The following LRP1 variants were observed in gnomAD, a reference collection of about 807,000 sequenced individuals.
LRP1 encodes LDL receptor related protein 1.
Under a neutral mutation model 541.5 loss-of-function variants are expected in LRP1, and 51 were observed. The observed-to-expected ratio is 0.09, with a 90% CI of 0.08 to 0.12. The LOEUF (loss-of-function observed/expected upper bound fraction) is 0.12. Ranked by LOEUF, LRP1 falls within the 10% of genes least tolerant of loss-of-function variation. LRP1 has a pLI of 1.00. For missense variants in LRP1, 3,878 were observed against 6,376.2 expected (o/e 0.61, Z 13.34); for synonymous variants, 2,219 against 2,470.8 (o/e 0.90, Z 3.02).
In LRP1 at chr12:57,189,397, G is replaced by A. The variant is rs1215680089; in HGVS notation, c.7032-1408G>A. Among the ~76,000 whole-genome samples, 6 of 152,098 alleles carry A rather than the reference G, an allele frequency of 3.9e-5. No homozygotes were observed. The highest frequency in any genetic ancestry group is 3.3e-4 in the Admixed American group (5 of 15,280). On this transcript the variant is annotated intron_variant, in intron 42 of 88. Coordinates refer to ENST00000243077, the MANE Select transcript of LRP1 (RefSeq NM_002332.3). This position sits in a 1 kb window ranked among gnomAD's most constrained non-coding sequence, Gnocchi z 4.4. ...TCCCTTATGGAGGCTAGAAGGACAC[G>A]CCGCCTCCCTCCCAACTTACATCCC...
At chr12:57,169,380 T>TC (rs2035901432) in intron 20 of LRP1, 73 bp downstream of exon 20, 1 of 1,416,244 alleles carries the variant, frequency 7.1e-7, no homozygotes, top group Non-Finnish European at 9.6e-7. Flanking sequence ...TATCCATCTG[T>TC]CTTTCAGACC....
chr12:57,192,238 C>T (rs1226774427), intron 44 of LRP1, among the ~76,000 whole-genome samples: 1 of 152,036 alleles, frequency 6.6e-6, no homozygotes, highest in African/African-American at 2.4e-5. Context: ...ACCTTTGGAA[C>T]CGCAAAACCC....
intron 19 of LRP1, 118 bp from the exon 20 acceptor site, chr12:57,169,022 G>A: frequency 1.2e-6 from 1 of 807,706 alleles, no homozygotes; most frequent in Non-Finnish European, 2.0e-6. Flanking sequence ...TATTTTCCCA[G>A]TGGGGGGGTT....
Position 57,162,733 on chromosome 12 carries a change from A to G in LRP1, c.2405-125A>G, listed in dbSNP as rs2035761526. The G allele has an allele frequency of 2.6e-6, 3 of 1,148,346 alleles. No individual in the cohort carries two copies. Among genetic ancestry groups the G allele is most frequent in the Middle Eastern group, 2.0e-4 (1 of 5,042 alleles). The allele number at this position is 1,148,346 out of a possible 1,614,324, so 71.1% of individuals were successfully genotyped here. On this transcript the variant is annotated intron_variant, in intron 14 of 88. Coordinates refer to ENST00000243077, the MANE Select transcript of LRP1 (RefSeq NM_002332.3). This position sits in a 1 kb window ranked among gnomAD's most constrained non-coding sequence, Gnocchi z 5.2. ...TCTGTGTCTCCTGTTCTTCAACATGATCTTCTTCCTCTCCATATTTCCTCT... is the reference window on the plus strand; with the variant it reads ...TCTGTGTCTCCTGTTCTTCAACATGGTCTTCTTCCTCTCCATATTTCCTCT...
rs2035291288 is a variant in LRP1 at position 57,141,519 on chromosome 12, C to T, written c.328+8C>T. 1 of 1,614,058 alleles carries T rather than the reference C, an allele frequency of 6.2e-7. No individual in the cohort carries two copies. The highest frequency in any genetic ancestry group is 1.1e-5 in the South Asian group (1 of 91,084). On this transcript the variant is annotated splice_region_variant and intron_variant, in intron 3 of 88. Transcript: ENST00000243077. Reference sequence around the variant, plus strand: ...AGGGGCCCCACTGCCGAGGTAAGGACTTTTCCACTCTCTACTCTCCCGTCT... The same window carrying T: ...AGGGGCCCCACTGCCGAGGTAAGGATTTTTCCACTCTCTACTCTCCCGTCT...
chr12:57,208,477 G>A (rs1373317587), intron 77 of LRP1: 2 of 593,614 alleles, frequency 3.4e-6, no homozygotes, highest in East Asian at 5.6e-5. Context: ...ACTCTGCCCT[G>A]GGGAACAGCT....
rs368070950 is a variant in LRP1, at chr12:57,154,209, C to T, written c.843C>T (p.His281=). Reference sequence around the variant, plus strand: ...GGCTCTTTCATTCGTACTCTCCAGACGTGGAACAGATGGCCATCGACTGGC... The same window carrying T: ...GGCTCTTTCATTCGTACTCTCCAGATGTGGAACAGATGGCCATCGACTGGC... ...HTINISLSLH[H]VEQMAIDWLT... Residue 281 remains histidine (H), a splice_region_variant and synonymous_variant, in exon 7 of 89, where the codon CAC becomes CAT. Coordinates refer to ENST00000243077, the MANE Select transcript of LRP1 (RefSeq NM_002332.3). The surrounding 1 kb of genome is among the most constrained non-coding windows in gnomAD (Gnocchi z 4.6). The T allele has an allele frequency of 3.1e-5, 50 of 1,613,402 alleles. No individual in the cohort carries two copies. Among genetic ancestry groups the T allele is most frequent in the East Asian group, 4.5e-5 (2 of 44,882 alleles).
rs577326762 is a variant in LRP1, at chr12:57,137,737, G to A, written c.68-722G>A. ...CCTGGGCCCAGGAGGTGGAGGTTGC[G>A]GTGAGCTGAGATTGTGCCACTGCAC... On this transcript the variant is annotated intron_variant, in intron 1 of 88. Transcript: ENST00000243077. 1.3e-4 allele frequency among the ~76,000 whole-genome samples: 19 copies of A among 151,822 alleles called. 1 individual carries two copies. Among genetic ancestry groups the A allele is most frequent in the South Asian group, 6.3e-4 (3 of 4,788 alleles).
Position 57,156,847 on chromosome 12 carries a change from C to A in LRP1, c.1488C>A (p.Ala496=), listed in dbSNP as rs2035629654. 4.4e-6 allele frequency: 7 copies of A among 1,603,720 alleles called. No individual in the cohort carries two copies. Among genetic ancestry groups the A allele is most frequent in the Non-Finnish European group, 5.9e-6 (7 of 1,177,678 alleles). ...PGGCSDICLL[A]NSHKARTCRC... is the part of the protein sequence containing the mutation. The stretch of plus-strand genomic sequence containing the variant: ...GCTGCTCTGACATCTGCCTGCTGGC[C>A]AACAGCCACAAGGCGCGGACCTGCC... The change falls in exon 10 of 89, where the codon GCC becomes GCA. Residue 496 remains alanine (A), a synonymous_variant. Transcript: ENST00000243077. The surrounding 1 kb of genome is among the most constrained non-coding windows in gnomAD (Gnocchi z 5.2).
chr12:57,191,882 ACACCCCAC>A (rs2036401634), intron 44 of LRP1, among the ~76,000 whole-genome samples: 1 of 47,550 alleles, frequency 2.1e-5, no homozygotes, highest in African/African-American at 5.5e-5. Flanking sequence ...CATACCACAC[ACACCCCAC>A]ACATACCACA....
chr12:57,173,218 G>C lies in LRP1; in HGVS notation c.3214G>C (p.Asp1072His), dbSNP rs771741064. Residue 1072 changes from aspartate (D) to histidine (H), a missense_variant, in exon 21 of 89, where the codon GAT becomes CAT. By Grantham distance (81) the Asp-to-His change is moderately conservative. Transcript: ENST00000243077. The surrounding 1 kb of genome is among the most constrained non-coding windows in gnomAD (Gnocchi z 4.7). Reference protein sequence around the residue: ...CHTDEFQCRLDGLCIPLRWRC... With the variant: ...CHTDEFQCRLHGLCIPLRWRC... ...CACTGATGAGTTCCAGTGCCGGCTGGATGGACTATGCATCCCCCTGCGGTG... is the reference window on the plus strand; with the variant it reads ...CACTGATGAGTTCCAGTGCCGGCTGCATGGACTATGCATCCCCCTGCGGTG... 6.2e-7 allele frequency: 1 copy of C among 1,613,870 alleles called. No homozygotes were observed. Among genetic ancestry groups the C allele is most frequent in the South Asian group, 1.1e-5 (1 of 91,082 alleles).
chr12:57,167,190 A>C (rs2035857109), intron 18 of LRP1, 144 bp downstream of exon 18: 6 of 713,454 alleles, frequency 8.4e-6, no homozygotes, highest in Non-Finnish European at 1.5e-5. Flanking sequence ...CTGTGAGAGG[A>C]GAGCCCCATC....
intron 19 of LRP1, among the ~76,000 whole-genome samples, chr12:57,168,411 G>A (rs35460118): frequency 1.9e-3 from 284 of 152,282 alleles, no homozygotes; most frequent in Non-Finnish European, 3.5e-3. Flanking sequence ...AAGCAGAGAC[G>A]GCAGAGGGAG....
intron 1 of LRP1, among the ~76,000 whole-genome samples, chr12:57,138,130 C>T (rs2035212821): frequency 6.6e-6 from 1 of 152,152 alleles, no homozygotes. Flanking sequence ...ATCACTCTGT[C>T]ATCAAAGCCA....
rs1020668312 is a variant in LRP1 at position 57,156,377 on chromosome 12, G to T, written c.1417+94G>T. On this transcript the variant is annotated intron_variant, in intron 9 of 88. Transcript: ENST00000243077. This position sits in a 1 kb window ranked among gnomAD's most constrained non-coding sequence, Gnocchi z 5.2. The stretch of plus-strand genomic sequence containing the variant: ...CAGCCCCTCTCTGGGCCCTCCTGTG[G>T]GGACCCTGGCTTCTTTCATGTCATG... 3 of 1,298,800 alleles carry T rather than the reference G, an allele frequency of 2.3e-6. No homozygotes were observed. Among genetic ancestry groups the T allele is most frequent in the Non-Finnish European group, 3.2e-6 (3 of 952,290 alleles). 80.5% of individuals were successfully genotyped at this position (1,298,800 alleles called of 1,614,324 possible).
chr12:57,129,543 G>C (rs2136644263), intron 1 of LRP1, among the ~76,000 whole-genome samples: 1 of 152,252 alleles, frequency 6.6e-6, no homozygotes, highest in African/African-American at 2.4e-5. Context: ...GGCTGTGGGT[G>C]GGGAGAGGGA....
Position 57,179,393 on chromosome 12 carries a change from C to G in LRP1, c.4803C>G (p.Pro1601=). 1 of 1,614,230 alleles carries G rather than the reference C, an allele frequency of 6.2e-7. No homozygotes were observed. Residue 1601 remains proline (P), a synonymous_variant, in exon 29 of 89, where the codon CCC becomes CCG. Coordinates refer to ENST00000243077, the MANE Select transcript of LRP1 (RefSeq NM_002332.3). This position sits in a 1 kb window ranked among gnomAD's most constrained non-coding sequence, Gnocchi z 6.8. ...TCCGAGGTGTGGACCTGGATGCTCC[C>G]TACTACAACTACATCATCTCCTTCA... ...MEIRGVDLDA[P]YYNYIISFTV... is the part of the protein sequence containing the mutation.
chr12:57,130,069 C>T (rs1156933313), intron 1 of LRP1, among the ~76,000 whole-genome samples: 1 of 151,998 alleles, frequency 6.6e-6, no homozygotes, highest in East Asian at 1.9e-4. Flanking sequence ...TTTTTTTCTC[C>T]TACTTGTGAG....
At chr12:57,161,216 TC>T in intron 13 of LRP1, 101 bp downstream of exon 13, 2 of 1,121,936 alleles carry the variant, frequency 1.8e-6, no homozygotes, top group Non-Finnish European at 2.6e-6. Context: ...TCTGTGTGTG[TC>T]CAGGCCTGTG....
Sources: gnomAD v4.1 joint callset for allele counts (sites outside exome capture counted in the v4.1 genomes callset) on GRCh38, gnomAD v4.1.1 for gene constraint, Gnocchi (gnomAD v3.1) non-coding constraint, MANE v1.5 for transcripts, NCBI Gene and HGNC (gene_info 2026-07-23, HGNC 2026-07-21) for gene names.